Variants in CD2BP2 observed in about 807,000 individuals in gnomAD.
CD2BP2 encodes CD2 cytoplasmic tail binding protein 2.
A neutral mutation model predicts 35.9 loss-of-function variants in CD2BP2; 27 were observed. The ratio of observed to expected loss-of-function variants is 0.75; its 90% CI spans 0.55 to 1.04. CD2BP2 has a LOEUF of 1.04. CD2BP2 is among the 50% of genes least tolerant of loss of function. The pLI is 0.00. For missense variants in CD2BP2, 497 were observed against 444.3 expected (o/e 1.12, Z -1.07); for synonymous variants, 213 against 173.5 (o/e 1.23, Z -1.79).
intron 1 of CD2BP2, 25 bp from the exon 2 acceptor site, chr16:30,354,732 G>C: frequency 2.6e-6 from 4 of 1,536,704 alleles, no homozygotes; most frequent in South Asian, 1.1e-5. Context: ...CAGAGGAAGG[G>C]AACCGGGTGA....
intron 2 of CD2BP2, 73 bp downstream of exon 2, chr16:30,354,531 C>T: frequency 6.5e-7 from 1 of 1,540,630 alleles, no homozygotes; most frequent in Non-Finnish European, 9.0e-7. Flanking sequence ...CCCCGCCCCT[C>T]TCCCGCCAGC....
At position 30,353,890 on chromosome 16, in the gene CD2BP2, C is replaced by T. The variant is rs753958656; in HGVS notation, c.375+11G>A. The stretch of plus-strand genomic sequence containing the variant: ...TCCCAGGCCCCAGCCACGCCAGCCC[C>T]TGGGCCGCACCCAGTCAATGTTGTC... On this transcript the variant is annotated intron_variant, in intron 4 of 6. Coordinates refer to ENST00000305596, the MANE Select transcript of CD2BP2 (RefSeq NM_006110.3). 1 of 1,613,614 alleles carries T rather than the reference C, an allele frequency of 6.2e-7. No individual in the cohort carries two copies. The highest frequency in any genetic ancestry group is 2.2e-5 in the East Asian group (1 of 44,878).
chr16:30,350,833 T>C lies in CD2BP2; in HGVS notation c.*2152A>G, dbSNP rs1186528555. On this transcript the variant is annotated 3_prime_UTR_variant, in exon 7 of 7. Coordinates refer to ENST00000305596, the MANE Select transcript of CD2BP2 (RefSeq NM_006110.3). Reference sequence around the variant, plus strand: ...AGAGGTCAGGAGTCCAAAATGGTTTTCACCAGGCTGAAGTCTTGTCAGTGC... The same window carrying C: ...AGAGGTCAGGAGTCCAAAATGGTTTCCACCAGGCTGAAGTCTTGTCAGTGC... 2 of 152,342 alleles carry C rather than the reference T, an allele frequency of 1.3e-5. No individual in the cohort carries two copies. Among genetic ancestry groups the C allele is most frequent in the African/African-American group, 4.8e-5 (2 of 41,460 alleles). 9.4% of individuals were successfully genotyped at this position (152,342 alleles called of 1,614,324 possible).
intron 3 of CD2BP2, 61 bp from the exon 4 acceptor site, chr16:30,354,119 C>T (rs2151097769): frequency 1.9e-6 from 3 of 1,571,654 alleles, no homozygotes; most frequent in East Asian, 2.3e-5. Flanking sequence ...GAGCCTCCCT[C>T]GCTCCACACC....
In CD2BP2 at chr16:30,354,283, G is replaced by A. The variant is rs1372035943; in HGVS notation, c.118C>T (p.Arg40Cys). The A allele has an allele frequency of 1.2e-6, 2 of 1,613,782 alleles. No homozygotes were observed. Among genetic ancestry groups the A allele is most frequent in the South Asian group, 2.2e-5 (2 of 91,052 alleles). The change falls in exon 3 of 7, where the codon CGC (arginine) becomes TGC (cysteine). Residue 40 changes from arginine (R) to cysteine (C), a missense_variant. Physicochemically the swap from Arg to Cys is radical, Grantham distance 180. Transcript: ENST00000305596. ...PVAGSGGPGS[R>C]FKGKHSLDSD... ...TCCAAAGAGTGTTTGCCTTTAAAGC[G>A]GCTCCCAGGACCCCCTGACCCAGCC...
chr16:30,353,008 T>G lies in CD2BP2; in HGVS notation c.1003A>C (p.Ile335Leu), dbSNP rs1567406435. Reference sequence around the variant, plus strand: ...GCTCAGGTGTAGAGGTCAAAGTCAATGCGTTTGGAGTTGTAGAACTGACCA... The same window carrying G: ...GCTCAGGTGTAGAGGTCAAAGTCAAGGCGTTTGGAGTTGTAGAACTGACCA... ...PGGQFYNSKR[I>L]DFDLYT Residue 335 changes from isoleucine to leucine, a missense_variant, in exon 7 of 7, where the codon ATT becomes CTT. Coordinates refer to ENST00000305596, the MANE Select transcript of CD2BP2 (RefSeq NM_006110.3). 6.2e-7 allele frequency: 1 copy of G among 1,613,088 alleles called. No homozygotes were observed.
rs966499639 is a variant in CD2BP2, at chr16:30,353,012, T to A, written c.999A>T (p.Lys333Asn). The change falls in exon 7 of 7, where the codon AAA (lysine) becomes AAT (asparagine). Residue 333 changes from lysine (K) to asparagine (N), a missense_variant. Transcript: ENST00000305596. ...AGGTGTAGAGGTCAAAGTCAATGCG[T>A]TTGGAGTTGTAGAACTGACCACCAG... is the stretch of plus-strand genomic sequence containing the variant. Reference protein sequence around the residue: ...DPPGGQFYNSKRIDFDLYT With the variant: ...DPPGGQFYNSNRIDFDLYT 17 of 1,613,298 alleles carry A rather than the reference T, an allele frequency of 1.1e-5. No individual in the cohort carries two copies. The Middle Eastern group carries it at 1.2e-3, about 110-fold the overall frequency.
rs2049517430 is a variant in CD2BP2, at chr16:30,354,542, TTTC to T, written c.78+59_78+61del. 39 of 1,562,722 alleles carry T rather than the reference TTTC, an allele frequency of 2.5e-5. 1 individual carries two copies. The South Asian group carries it at 4.0e-4, about 16-fold the overall frequency. ...CCCGCCCCGCCCCTCTCCCGCCAGCTTTCTTCCTCTTCAGGCTTCTAGCTCCTC... is the reference window on the plus strand; with the variant it reads ...CCCGCCCCGCCCCTCTCCCGCCAGCTTTCCTCTTCAGGCTTCTAGCTCCTC... On this transcript the variant is annotated intron_variant, in intron 2 of 6. Transcript: ENST00000305596.
In CD2BP2 at chr16:30,353,561, C is replaced by T. The variant is rs1349116065; in HGVS notation, c.615G>A (p.Leu205=). The T allele has an allele frequency of 3.1e-6, 5 of 1,614,090 alleles. No individual in the cohort carries two copies. Among genetic ancestry groups the T allele is most frequent in the Non-Finnish European group, 2.5e-6 (3 of 1,180,032 alleles). The part of the protein sequence containing the change: ...SPQRLDRLSG[L]ADQMVARGNL... The stretch of plus-strand genomic sequence containing the variant: ...TGCCCCGGGCCACCATCTGGTCGGC[C>T]AACCCGGAGAGCCGGTCCAGGCGCT... Residue 205 remains leucine (L), a synonymous_variant, in exon 5 of 7, where the codon TTG becomes TTA. Transcript: ENST00000305596.
At chr16:30,353,152 A>T in intron 6 of CD2BP2, 29 bp downstream of exon 6, 1 of 1,607,542 alleles carries the variant, frequency 6.2e-7, no homozygotes, top group Non-Finnish European at 8.5e-7. Context: ...AAGCAGGGAC[A>T]AGGCAGGAGG....
At position 30,353,520 on chromosome 16, in the gene CD2BP2, T is replaced by C. The variant is rs373600319; in HGVS notation, c.656A>G (p.Gln219Arg). Residue 219 changes from glutamine (Q) to arginine (R), a missense_variant, in exon 5 of 7, where the codon CAG (glutamine) becomes CGG (arginine). Gln to Arg is a conservative substitution (Grantham distance 43). Transcript: ENST00000305596. ...CATAGCCAACCGTTCCCTTGTTTCC[T>C]GGTACACACCAAGGTTGCCCCGGGC... The part of the protein sequence containing the change: ...MVARGNLGVY[Q>R]ETRERLAMRL... 1 of 1,614,090 alleles carries C rather than the reference T, an allele frequency of 6.2e-7. No homozygotes were observed. The highest frequency in any genetic ancestry group is 1.3e-5 in the African/African-American group (1 of 74,932).
In CD2BP2 at chr16:30,354,735, C is replaced by G. The variant is rs1048231630; in HGVS notation, c.-26-28G>C. The stretch of plus-strand genomic sequence containing the variant: ...GAGGAAAGGATGCAGAGGAAGGGAA[C>G]CGGGTGAGGAGGGGACTCGCCAACA... On this transcript the variant is annotated intron_variant, in intron 1 of 6. Transcript: ENST00000305596. The G allele has an allele frequency of 1.6e-5, 25 of 1,522,210 alleles. No homozygotes were observed. In the Admixed American group the frequency reaches 3.3e-4, roughly 20 times the overall value. The allele number at this position is 1,522,210 out of a possible 1,614,324, so 94.3% of individuals were successfully genotyped here.
Position 30,353,792 on chromosome 16 carries a change from G to C in CD2BP2, c.384C>G (p.Ile128Met). Residue 128 changes from isoleucine (I) to methionine (M), a missense_variant, in exon 5 of 7, where the codon ATC (isoleucine) becomes ATG (methionine). Ile to Met is a conservative substitution (Grantham distance 10). Coordinates refer to ENST00000305596, the MANE Select transcript of CD2BP2 (RefSeq NM_006110.3). The part of the protein sequence containing the change: ...SWLDNIDWVK[I>M]RERPPGQRQA... ...GGCGCTGGCCAGGTGGCCGCTCCCG[G>C]ATCTTCACCTGTAATGGGAAGATGG... 2 of 1,602,836 alleles carry C rather than the reference G, an allele frequency of 1.2e-6. No homozygotes were observed. The highest frequency in any genetic ancestry group is 1.7e-6 in the Non-Finnish European group (2 of 1,174,912).
At position 30,354,036 on chromosome 16, in the gene CD2BP2, G is replaced by T; in HGVS notation, c.240C>A (p.Pro80=). Residue 80 remains proline (P), a synonymous_variant, in exon 4 of 7, where the codon CCC becomes CCA. Coordinates refer to ENST00000305596, the MANE Select transcript of CD2BP2 (RefSeq NM_006110.3). The part of the protein sequence containing the change: ...DVEGQEAATL[P]SEGGVRITPF... ...GTGTGATCCGAACACCCCCCTCGCT[G>T]GGGAGTGTGGCTGCCTCCTGACCTG... is the stretch of plus-strand genomic sequence containing the variant. 8.1e-6 allele frequency: 13 copies of T among 1,614,080 alleles called. No individual in the cohort carries two copies. Among genetic ancestry groups the T allele is most frequent in the Non-Finnish European group, 1.1e-5 (13 of 1,180,018 alleles).
rs1011581955 is a variant in CD2BP2 at position 30,353,860 on chromosome 16, G to C, written c.375+41C>G. On this transcript the variant is annotated intron_variant, in intron 4 of 6. Transcript: ENST00000305596. ...TGCCACGGGAGCAGGCCCAGCATCT[G>C]CCACTCCCAGGCCCCAGCCACGCCA... 1.1e-5 allele frequency: 18 copies of C among 1,610,098 alleles called. No homozygotes were observed. In the Admixed American group the frequency reaches 1.5e-4, roughly 13 times the overall value.
Position 30,353,945 on chromosome 16 carries a change from G to A in CD2BP2, c.331C>T (p.Arg111Trp), listed in dbSNP as rs149209324. The A allele has an allele frequency of 1.0e-4, 166 of 1,614,128 alleles. No homozygotes were observed. The African/African-American group carries it at 1.6e-3, about 15-fold the overall frequency. ...FDADGNYFLN[R>W]DAQIRDSWLD... Reference sequence around the variant, plus strand: ...CAGCTGTCTCGGATCTGAGCATCCCGGTTCAGGAAGTAGTTGCCATCGGCA... The same window carrying A: ...CAGCTGTCTCGGATCTGAGCATCCCAGTTCAGGAAGTAGTTGCCATCGGCA... The change falls in exon 4 of 7, where the codon CGG becomes TGG. Residue 111 changes from arginine to tryptophan, a missense_variant. By Grantham distance (101) the Arg-to-Trp change is moderately radical (BLOSUM62 -3). Transcript: ENST00000305596.
Position 30,353,845 on chromosome 16 carries a change from G to A in CD2BP2, c.376-45C>T, listed in dbSNP as rs761389084. On this transcript the variant is annotated intron_variant, in intron 4 of 6. Coordinates refer to ENST00000305596, the MANE Select transcript of CD2BP2 (RefSeq NM_006110.3). ...TGATTTCCCACCAACTGCCACGGGA[G>A]CAGGCCCAGCATCTGCCACTCCCAG... The A allele has an allele frequency of 1.9e-6, 3 of 1,607,512 alleles. No homozygotes were observed. In the Admixed American group the frequency reaches 5.0e-5, roughly 27 times the overall value.
At chr16:30,353,141 G>T (rs1346601435) in intron 6 of CD2BP2, 40 bp downstream of exon 6, 2 of 1,607,300 alleles carry the variant, frequency 1.2e-6, no homozygotes, top group East Asian at 2.2e-5. Flanking sequence ...AGGAGTGGGG[G>T]AAGCAGGGAC....
chr16:30,353,120 G>A (rs1361240259), intron 6 of CD2BP2, 25 bp from the exon 7 acceptor site: 1 of 1,608,158 alleles, frequency 6.2e-7, no homozygotes, highest in Non-Finnish European at 8.5e-7. Context: ...CAGAGCTGGG[G>A]AACAACTGAC....
Sources: allele counts gnomAD v4.1 joint callset, GRCh38; gene constraint gnomAD v4.1.1; transcripts MANE v1.5; gene names NCBI Gene and HGNC (gene_info 2026-07-23, HGNC 2026-07-21).